The following ZNF34 variants were observed in gnomAD, a reference collection of about 807,000 sequenced individuals.
ZNF34 encodes zinc finger protein 34 (KOX 32).
ZNF34 carries 8 observed loss-of-function variants against 14.4 expected under a neutral mutation model. The ratio of observed to expected loss-of-function variants is 0.55; its 90% CI spans 0.33 to 1.00. The LOEUF is 1.00. Ranked by LOEUF, ZNF34 falls within the 50% of genes least tolerant of loss-of-function variation. The pLI, the probability that ZNF34 is intolerant of heterozygous loss-of-function variation, is 0.03. For synonymous variants in ZNF34, 235 were observed against 247.9 expected (o/e 0.95, Z 0.49); for missense variants, 538 against 674.2 (o/e 0.80, Z 2.24).
intron 1 of ZNF34, among the ~76,000 whole-genome samples, chr8:144,785,956 A>C (rs1005860343): frequency 3.3e-5 from 5 of 151,162 alleles, no homozygotes; most frequent in Non-Finnish European, 5.9e-5. Flanking sequence ...GGTACAGAAT[A>C]TACACAGTAT....
At chr8:144,781,941 T>C (rs1825912258) in intron 1 of ZNF34, among the ~76,000 whole-genome samples, 1 of 152,184 alleles carries the variant, frequency 6.6e-6, no homozygotes, top group Admixed American at 6.5e-5. Flanking sequence ...ATCCCAGCAC[T>C]TTGGGAGGCC....
At chr8:144,784,458 T>TAAAAAAAAAAA (rs397891745) in intron 1 of ZNF34, among the ~76,000 whole-genome samples, 1 of 126,252 alleles carries the variant, frequency 7.9e-6, no homozygotes, top group African/African-American at 3.0e-5. Context: ...ACCTAAACAT[T>TAAAAAAAAAAA]AAAAAAAAAA....
intron 1 of ZNF34, 83 bp downstream of exon 1, chr8:144,787,196 G>A (rs1210516343): frequency 6.6e-6 from 1 of 152,440 alleles, no homozygotes; most frequent in East Asian, 1.9e-4. Context: ...GAGAGGACCG[G>A]GCACAGGGGC....
chr8:144,774,972 G>A (rs887438524), intron 5 of ZNF34, among the ~76,000 whole-genome samples: 3 of 152,178 alleles, frequency 2.0e-5, no homozygotes, highest in Non-Finnish European at 2.9e-5. Flanking sequence ...CTTGCCAGCT[G>A]AGTCACCTGA....
chr8:144,781,113 C>T (rs933163182), intron 1 of ZNF34, among the ~76,000 whole-genome samples: 36 of 138,878 alleles, frequency 2.6e-4, no homozygotes, highest in Non-Finnish European at 2.6e-4. Context: ...CCAGCCTGGG[C>T]GACAGAGCGA....
rs951553621 is a variant in ZNF34 at position 144,781,162 on chromosome 8, T to A, written c.-107-882A>T. Among the ~76,000 whole-genome samples, 6 of 141,942 alleles carry A rather than the reference T, an allele frequency of 4.2e-5. No individual in the cohort carries two copies. In the South Asian group the frequency reaches 6.7e-4, roughly 16 times the overall value. 93.1% of individuals were successfully genotyped at this position (141,942 alleles called of 152,430 possible). A position where few individuals can be genotyped will look rare whatever the true frequency, so the allele number is the denominator to read the frequency against. ...ATAAATAAATAAATAAATAAATAAA[T>A]AAAAATAAAAATAAAACACTGCATA... On this transcript the variant is annotated intron_variant, in intron 1 of 5. Coordinates refer to ENST00000429371, the MANE Select transcript of ZNF34 (RefSeq NM_001286769.2).
rs372764814 is a variant in ZNF34 at position 144,773,968 on chromosome 8, C to T, written c.918G>A (p.Arg306=). 5.6e-6 allele frequency: 9 copies of T among 1,614,018 alleles called. No homozygotes were observed. The African/African-American group carries it at 1.1e-4, about 19-fold the overall frequency. ...TRRPNLMKHQ[R]IHTGEKPYKC... is the part of the protein sequence containing the mutation. ...TGTAGGGTTTCTCCCCAGTGTGAATCCTCTGGTGCTTCATGAGGTTGGGCC... is the reference window on the plus strand; with the variant it reads ...TGTAGGGTTTCTCCCCAGTGTGAATTCTCTGGTGCTTCATGAGGTTGGGCC... The change falls in exon 6 of 6, where the codon AGG becomes AGA. Residue 306 remains arginine (R), a synonymous_variant. Coordinates refer to ENST00000429371, the MANE Select transcript of ZNF34 (RefSeq NM_001286769.2). The surrounding 1 kb of genome is among the most constrained non-coding windows in gnomAD (Gnocchi z 5.4).
chr8:144,773,500 G>T lies in ZNF34; in HGVS notation c.1386C>A (p.Ala462=), dbSNP rs758131801. ...KPYKCSECGK[A]FHNSSRLIHH... is the part of the protein sequence containing the mutation. ...GGATGAGTCTGGAACTGTTGTGGAA[G>T]GCCTTCCCACACTCGCTGCACTTGT... Residue 462 remains alanine (A), a synonymous_variant, in exon 6 of 6, where the codon GCC becomes GCA. Transcript: ENST00000429371. This position sits in a 1 kb window ranked among gnomAD's most constrained non-coding sequence, Gnocchi z 5.4. 1 of 1,614,164 alleles carries T rather than the reference G, an allele frequency of 6.2e-7. No homozygotes were observed. Among genetic ancestry groups the T allele is most frequent in the South Asian group, 1.1e-5 (1 of 91,078 alleles).
At position 144,777,604 on chromosome 8, in the gene ZNF34, G is replaced by C; in HGVS notation, c.161-27C>G. On this transcript the variant is annotated intron_variant, in intron 4 of 5. Transcript: ENST00000429371. The surrounding 1 kb of genome is among the most constrained non-coding windows in gnomAD (Gnocchi z 4.8). ...TGGGAAGGAGACAGGGACTGGGGTT[G>C]GTACCAAGGACACAGGGCAGCACCT... 6.5e-7 allele frequency: 1 copy of C among 1,550,124 alleles called. No homozygotes were observed. The highest frequency in any genetic ancestry group is 8.7e-7 in the Non-Finnish European group (1 of 1,146,602).
chr8:144,782,304 G>C (rs780679206), intron 1 of ZNF34, among the ~76,000 whole-genome samples: 1 of 149,980 alleles, frequency 6.7e-6, no homozygotes, highest in African/African-American at 2.5e-5. Flanking sequence ...CCTGGCCACA[G>C]AGTGAGACTC....
intron 1 of ZNF34, among the ~76,000 whole-genome samples, chr8:144,784,458 T>TAA (rs397891745): frequency 1.8e-4 from 23 of 126,244 alleles, no homozygotes; most frequent in South Asian, 5.1e-4. Context: ...ACCTAAACAT[T>TAA]AAAAAAAAAA....
intron 1 of ZNF34, among the ~76,000 whole-genome samples, chr8:144,784,712 C>A (rs982750863): frequency 2.0e-5 from 3 of 151,874 alleles, no homozygotes; most frequent in African/African-American, 7.3e-5. Context: ...GAGCCAAGAT[C>A]ACGCCACTGC....
intron 1 of ZNF34, among the ~76,000 whole-genome samples, chr8:144,782,842 C>CAAAAAAAAAAAAAAA (rs548252812): frequency 0.019 from 442 of 22,956 alleles, 31 homozygotes; most frequent in Middle Eastern, 0.05. Flanking sequence ...AAGCCTATCT[C>CAAAAAAAAAAAAAAA]AAAAAAAAAA....
chr8:144,774,410 C>T lies in ZNF34; in HGVS notation c.476G>A (p.Gly159Glu). Residue 159 changes from glycine (G) to glutamate (E), a missense_variant, in exon 6 of 6, where the codon GGA (glycine) becomes GAA (glutamate). Gly to Glu is a moderately conservative substitution (Grantham distance 98). Transcript: ENST00000429371. ...AGGTCTTGACAGCAACCTGAGGTTTCCCCCAGACTCCCTGCTGCTCTCCCC... is the reference window on the plus strand; with the variant it reads ...AGGTCTTGACAGCAACCTGAGGTTTTCCCCAGACTCCCTGCTGCTCTCCCC... Reference protein sequence around the residue: ...TNGESSRESGGNLRLLSRPVP... With the variant: ...TNGESSRESGENLRLLSRPVP... The T allele has an allele frequency of 1.2e-6, 2 of 1,613,746 alleles. No homozygotes were observed. The highest frequency in any genetic ancestry group is 1.1e-5 in the South Asian group (1 of 91,048).
At position 144,774,622 on chromosome 8, in the gene ZNF34, A is replaced by C; in HGVS notation, c.281-17T>G. 1 of 1,601,000 alleles carries C rather than the reference A, an allele frequency of 6.2e-7. No individual in the cohort carries two copies. The highest frequency in any genetic ancestry group is 8.5e-7 in the Non-Finnish European group (1 of 1,174,154). On this transcript the variant is annotated splice_polypyrimidine_tract_variant and intron_variant, in intron 5 of 5. Transcript: ENST00000429371. ...TCCCAAGAGCTGAAACAAAAAACAG[A>C]ACATCTAAGGGTCACCTGCTCTGAC...
chr8:144,786,460 C>A (rs1047558658), intron 1 of ZNF34, among the ~76,000 whole-genome samples: 1 of 151,244 alleles, frequency 6.6e-6, no homozygotes, highest in African/African-American at 2.4e-5. Flanking sequence ...ATGGTTAAAC[C>A]CCATCTCTAC....
At chr8:144,783,428 C>G (rs1357502093) in intron 1 of ZNF34, among the ~76,000 whole-genome samples, 3 of 152,128 alleles carry the variant, frequency 2.0e-5, no homozygotes, top group African/African-American at 7.2e-5. Context: ...AGAAAAAAGA[C>G]AAAATCATCA....
At position 144,773,175 on chromosome 8, in the gene ZNF34, G is replaced by A. The variant is rs774360334; in HGVS notation, c.*91C>T. The A allele has an allele frequency of 7.1e-5, 94 of 1,332,650 alleles. No homozygotes were observed. Among genetic ancestry groups the A allele is most frequent in the Middle Eastern group, 1.9e-4 (1 of 5,260 alleles). 82.6% of individuals were successfully genotyped at this position (1,332,650 alleles called of 1,614,324 possible). A position where few individuals can be genotyped will look rare whatever the true frequency, so the allele number is the denominator to read the frequency against. ...CGTCCTTTCACTCTGTGAAAACATC[G>A]TGTGGATAATACATAAAGGGCAGAG... On this transcript the variant is annotated 3_prime_UTR_variant, in exon 6 of 6. Transcript: ENST00000429371. The surrounding 1 kb of genome is among the most constrained non-coding windows in gnomAD (Gnocchi z 5.4).
intron 1 of ZNF34, among the ~76,000 whole-genome samples, chr8:144,783,533 A>T (rs1374298495): frequency 6.6e-6 from 1 of 152,222 alleles, no homozygotes; most frequent in Admixed American, 6.5e-5. Context: ...TGCCATATAC[A>T]AGGTCAACAG....
Sources: gnomAD v4.1 joint callset for allele counts (sites outside exome capture counted in the v4.1 genomes callset) on GRCh38, gnomAD v4.1.1 for gene constraint, Gnocchi (gnomAD v3.1) non-coding constraint, MANE v1.5 for transcripts, NCBI Gene and HGNC (gene_info 2026-07-23, HGNC 2026-07-21) for gene names.